Variants in HPRT1 observed in about 807,000 individuals in gnomAD.
HPRT1 encodes the protein hypoxanthine phosphoribosyltransferase 1.
A neutral mutation model predicts 19.0 loss-of-function variants in HPRT1; 4 were observed. The observed-to-expected ratio is 0.21, with a 90% CI of 0.10 to 0.48. The LOEUF (loss-of-function observed/expected upper bound fraction) is 0.48, where lower values mean the gene tolerates loss of function less well. HPRT1 is among the 20% of genes least tolerant of loss of function. The probability of loss-of-function intolerance (pLI) is 0.98; values close to 1 mark genes in which losing one functional copy is unlikely to be tolerated. For synonymous variants in HPRT1, 53 were observed against 54.9 expected (o/e 0.97, Z 0.15); for missense variants, 65 against 164.0 (o/e 0.40, Z 3.30).
intron 3 of HPRT1, among the ~76,000 whole-genome samples, chrX:134,485,410 T>TA (rs761478613): frequency 2.8e-4 from 31 of 111,681 alleles, no homozygotes; most frequent in South Asian, 7.5e-4. Context: ...CTACGGATGT[T>TA]AAAAAAAATT....
intron 3 of HPRT1, among the ~76,000 whole-genome samples, chrX:134,479,677 T>G (rs955878098): frequency 9.0e-6 from 1 of 111,202 alleles, no homozygotes; most frequent in African/African-American, 3.3e-5. Context: ...GGTGCCATCT[T>G]GGTTCACTGC....
chrX:134,489,957 C>G (rs1288943856), intron 4 of HPRT1, among the ~76,000 whole-genome samples: 2 of 111,151 alleles, frequency 1.8e-5, no homozygotes, highest in African/African-American at 6.5e-5. Context: ...GTTTTAAAAA[C>G]AGGTGGGTCA....
intron 1 of HPRT1, among the ~76,000 whole-genome samples, chrX:134,461,868 C>CTACAAATAGGTACTCATTTGAG (rs1213374572): frequency 8.9e-6 from 1 of 112,110 alleles, no homozygotes; most frequent in Non-Finnish European, 1.9e-5. Flanking sequence ...AAAAAATAGG[C>CTACAAATAGGTACTCATTTGAG]TACAAATAGG....
intron 3 of HPRT1, among the ~76,000 whole-genome samples, chrX:134,477,636 C>A (rs1223033950): frequency 9.0e-6 from 1 of 110,667 alleles, no homozygotes; most frequent in East Asian, 2.9e-4. Flanking sequence ...CACAGCAATA[C>A]CCTATCTTTA....
At position 134,475,225 on chromosome X, in the gene HPRT1, A is replaced by G. The variant is rs1228634091; in HGVS notation, c.179A>G (p.His60Arg). The G allele has an allele frequency of 1.7e-6, 2 of 1,204,629 alleles. No individual in the cohort carries two copies. The highest frequency in any genetic ancestry group is 5.9e-5 in the East Asian group (2 of 33,827). Residue 60 changes from histidine (H) to arginine (R), a missense_variant, in exon 3 of 9, where the codon CAT becomes CGT. Transcript: ENST00000298556. ...GATGTGATGAAGGAGATGGGAGGCC[A>G]TCACATTGTAGCCCTCTGTGTGCTC... is the stretch of plus-strand genomic sequence containing the variant. ...ARDVMKEMGG[H>R]HIVALCVLKG...
At chrX:134,482,537 C>T (rs899235370) in intron 3 of HPRT1, among the ~76,000 whole-genome samples, 3 of 111,716 alleles carry the variant, frequency 2.7e-5, no homozygotes, top group South Asian at 7.5e-4. Flanking sequence ...GGCTTTTGAG[C>T]GCTTGACACA....
At chrX:134,463,250 G>A (rs761914875) in intron 1 of HPRT1, among the ~76,000 whole-genome samples, 27 of 111,409 alleles carry the variant, frequency 2.4e-4, no homozygotes, top group Non-Finnish European at 4.3e-4. Flanking sequence ...GGGTAAACTT[G>A]GACACACTTG....
intron 3 of HPRT1, among the ~76,000 whole-genome samples, chrX:134,482,904 G>A (rs1379085238): frequency 9.1e-6 from 1 of 110,220 alleles, no homozygotes; most frequent in Admixed American, 9.7e-5. Context: ...TCAGGGTATA[G>A]AAAAACAGTT....
At chrX:134,490,620 C>T (rs1292388064) in intron 5 of HPRT1, among the ~76,000 whole-genome samples, 3 of 106,900 alleles carry the variant, frequency 2.8e-5, no homozygotes, top group Non-Finnish European at 5.8e-5. Flanking sequence ...TATTTTGTAT[C>T]TTAGCACCGA....
intron 1 of HPRT1, among the ~76,000 whole-genome samples, chrX:134,462,191 A>T (rs968798787): frequency 2.3e-4 from 25 of 110,059 alleles, no homozygotes; most frequent in East Asian, 8.6e-4. Context: ...TTATTTATTT[A>T]TTTTTTGAGA....
chrX:134,460,228 C>G lies in HPRT1; in HGVS notation c.-84C>G. On this transcript the variant is annotated 5_prime_UTR_variant, in exon 1 of 9. Coordinates refer to ENST00000298556, the MANE Select transcript of HPRT1 (RefSeq NM_000194.3). Reference sequence around the variant, plus strand: ...TCGGCTTTCCCGCGCGGCGCCGCCTCTTGCTGCGCCTCCGCCTCCTCCTCT... The same window carrying G: ...TCGGCTTTCCCGCGCGGCGCCGCCTGTTGCTGCGCCTCCGCCTCCTCCTCT... The G allele has an allele frequency of 3.9e-6, 4 of 1,027,570 alleles. No homozygotes were observed. In the South Asian group the frequency reaches 6.1e-5, roughly 16 times the overall value. The allele number at this position is 1,027,570 out of a possible 1,213,427, so 84.7% of individuals were successfully genotyped here.
At chrX:134,479,547 G>C (rs1049154094) in intron 3 of HPRT1, among the ~76,000 whole-genome samples, 18 of 112,080 alleles carry the variant, frequency 1.6e-4, no homozygotes, top group African/African-American at 5.5e-4. Flanking sequence ...TGGGATTACA[G>C]GCGTGAGCCA....
chrX:134,472,032 T>C (rs1238481734), intron 1 of HPRT1, among the ~76,000 whole-genome samples: 1 of 111,539 alleles, frequency 9.0e-6, no homozygotes, highest in East Asian at 2.8e-4. Flanking sequence ...TGCTGTGGTA[T>C]GATCGTAGCT....
intron 3 of HPRT1, among the ~76,000 whole-genome samples, chrX:134,484,309 T>C (rs980470798): frequency 8.9e-6 from 1 of 112,446 alleles, no homozygotes; most frequent in African/African-American, 3.2e-5. Flanking sequence ...CTTGTTGCCT[T>C]TTCTTTCTTT....
At position 134,488,697 on chromosome X, in the gene HPRT1, G is replaced by T. The variant is rs1405302658; in HGVS notation, c.385-1491G>T. 5.4e-5 allele frequency among the ~76,000 whole-genome samples: 6 copies of T among 110,605 alleles called. No individual in the cohort carries two copies. In the Admixed American group the frequency reaches 5.9e-4, roughly 11 times the overall value. On this transcript the variant is annotated intron_variant, in intron 4 of 8. Transcript: ENST00000298556. ...GCATTCTTTTGTTTTTTAGACTCTAGTGTCTGTACTCGTTGTACCATGCTG... is the reference window on the plus strand; with the variant it reads ...GCATTCTTTTGTTTTTTAGACTCTATTGTCTGTACTCGTTGTACCATGCTG...
intron 3 of HPRT1, among the ~76,000 whole-genome samples, chrX:134,484,858 GAGAC>G (rs1357342041): frequency 1.8e-5 from 2 of 111,600 alleles, no homozygotes; most frequent in Non-Finnish European, 3.8e-5. Flanking sequence ...AAAAAAAAGA[GAGAC>G]AGGGTCTTGC....
chrX:134,496,235 A>G (rs1449086614), intron 6 of HPRT1, among the ~76,000 whole-genome samples: 1 of 112,045 alleles, frequency 8.9e-6, no homozygotes, highest in East Asian at 2.8e-4. Context: ...CCTTGACAAC[A>G]CTTGTTACTG....
intron 3 of HPRT1, among the ~76,000 whole-genome samples, chrX:134,476,197 A>G (rs2077624867): frequency 1.8e-5 from 2 of 111,993 alleles, no homozygotes; most frequent in Admixed American, 9.5e-5. Flanking sequence ...CCACTTATCT[A>G]CATTTAACTA....
At chrX:134,474,760 T>A (rs1438563739) in intron 2 of HPRT1, among the ~76,000 whole-genome samples, 2 of 111,830 alleles carry the variant, frequency 1.8e-5, no homozygotes, top group Non-Finnish European at 3.8e-5. Context: ...TGGTATCTTG[T>A]TTTTATTTGC....
Sources: gnomAD v4.1 joint callset for allele counts (sites outside exome capture counted in the v4.1 genomes callset) on GRCh38, gnomAD v4.1.1 for gene constraint, MANE v1.5 for transcripts, NCBI Gene and HGNC (gene_info 2026-07-23, HGNC 2026-07-21) for gene names.